AGBL4: variants seen among roughly 807,000 people sequenced by gnomAD.
The protein encoded by AGBL4 is cytosolic carboxypeptidase 6.
A neutral mutation model predicts 66.4 loss-of-function variants in AGBL4; 58 were observed. The ratio of observed to expected loss-of-function variants is 0.87; its 90% CI spans 0.71 to 1.09. AGBL4 has a LOEUF of 1.09. Ranked by LOEUF, AGBL4 falls within the 50% of genes least tolerant of loss-of-function variation. The pLI is 0.00. For synonymous variants in AGBL4, 234 were observed against 222.9 expected, an observed-to-expected ratio of 1.05 and a Z score of -0.44; for missense variants, 579 against 631.0, an observed-to-expected ratio of 0.92 and a Z score of 0.88.
chr1:49,736,126 G>C (rs113200370), intron 2 of AGBL4, among the ~76,000 whole-genome samples: 3 of 151,726 alleles, frequency 2.0e-5, no homozygotes. Context: ...AATATTTAAC[G>C]AAATACTGCC....
Position 49,410,872 on chromosome 1 carries a change from A to T in AGBL4, c.283-165008T>A, listed in dbSNP as rs535115255. ...TGATGGCATGATACTCACTGCACTT[A>T]TCAAATGCTTACTATATGCCAGATG... On this transcript the variant is annotated intron_variant, in intron 3 of 13. Transcript: ENST00000371839. Among the ~76,000 whole-genome samples, 10 of 152,344 alleles carry T rather than the reference A, an allele frequency of 6.6e-5. No individual in the cohort carries two copies. In the South Asian group the frequency reaches 2.1e-3, roughly 32 times the overall value.
chr1:49,962,727 T>C (rs1657218771), intron 1 of AGBL4, among the ~76,000 whole-genome samples: 1 of 152,114 alleles, frequency 6.6e-6, no homozygotes. Context: ...AAACAATGGA[T>C]TAAAACAGAT....
chr1:49,515,512 A>G (rs1290250271), intron 3 of AGBL4, among the ~76,000 whole-genome samples: 1 of 151,978 alleles, frequency 6.6e-6, no homozygotes, highest in Non-Finnish European at 1.5e-5. Context: ...TAGAAATACC[A>G]TTTGACCCAG....
chr1:48,838,670 A>T (rs1436068876), intron 6 of AGBL4, among the ~76,000 whole-genome samples: 3 of 152,200 alleles, frequency 2.0e-5, no homozygotes, highest in African/African-American at 7.2e-5. Context: ...AGACAATCAA[A>T]GCAAAAATCG....
chr1:48,635,330 C>G (rs1022312577), intron 8 of AGBL4, among the ~76,000 whole-genome samples: 2 of 152,216 alleles, frequency 1.3e-5, no homozygotes, highest in Non-Finnish European at 2.9e-5. Context: ...CCAAATGCCT[C>G]TTTCCTCAAT....
At chr1:49,533,430 A>C (rs1326139081) in intron 3 of AGBL4, among the ~76,000 whole-genome samples, 1 of 152,034 alleles carries the variant, frequency 6.6e-6, no homozygotes, top group Non-Finnish European at 1.5e-5. Context: ...AGGGGTCCTC[A>C]ATCTGCTTGC....
chr1:49,176,983 G>C (rs1646844041), intron 4 of AGBL4, among the ~76,000 whole-genome samples: 3 of 152,068 alleles, frequency 2.0e-5, no homozygotes, highest in Admixed American at 2.0e-4. Context: ...CTGGATCCTA[G>C]GCCAGAAAAG....
At chr1:48,652,276 T>C (rs551523679) in intron 8 of AGBL4, among the ~76,000 whole-genome samples, 36 of 152,252 alleles carry the variant, frequency 2.4e-4, no homozygotes, top group African/African-American at 8.4e-4. Context: ...GAGTGGCCAA[T>C]TCTGTTTAGG....
intron 6 of AGBL4, among the ~76,000 whole-genome samples, chr1:48,764,110 C>T (rs1157228037): frequency 6.6e-6 from 1 of 152,102 alleles, no homozygotes; most frequent in African/African-American, 2.4e-5. Flanking sequence ...GAAAAGAGAA[C>T]CCAAGATCTC....
chr1:49,236,940 C>A (rs1000566166), intron 4 of AGBL4, among the ~76,000 whole-genome samples: 1 of 151,904 alleles, frequency 6.6e-6, no homozygotes. Context: ...CACTGTTATC[C>A]TGATAGGGAA....
intron 3 of AGBL4, among the ~76,000 whole-genome samples, chr1:49,361,018 G>A (rs1037608317): frequency 4.6e-5 from 7 of 151,770 alleles, no homozygotes; most frequent in East Asian, 1.9e-4. Context: ...GGCTGCTCTC[G>A]AACTCCTGAT....
chr1:49,267,603 C>T (rs1468084639), intron 3 of AGBL4, among the ~76,000 whole-genome samples: 1 of 151,992 alleles, frequency 6.6e-6, no homozygotes, highest in Non-Finnish European at 1.5e-5. Flanking sequence ...TCACTGGAAC[C>T]CGGGAGGTGG....
At chr1:49,110,191 C>T (rs947210436) in intron 4 of AGBL4, among the ~76,000 whole-genome samples, 1 of 152,200 alleles carries the variant, frequency 6.6e-6, no homozygotes, top group Non-Finnish European at 1.5e-5. Context: ...TCCTCACAAA[C>T]ACTTTCAATT....
At chr1:49,831,077 T>C (rs1645660118) in intron 2 of AGBL4, among the ~76,000 whole-genome samples, 1 of 152,176 alleles carries the variant, frequency 6.6e-6, no homozygotes, top group South Asian at 2.1e-4. Context: ...CTTGGGATTG[T>C]CTTGGCTATG....
chr1:49,271,067 A>G (rs1644047512), intron 3 of AGBL4, among the ~76,000 whole-genome samples: 1 of 152,176 alleles, frequency 6.6e-6, no homozygotes. Context: ...CCACACTTTC[A>G]CTGCCATGGC....
intron 1 of AGBL4, among the ~76,000 whole-genome samples, chr1:50,020,908 A>G (rs1336057045): frequency 3.3e-5 from 5 of 152,232 alleles, no homozygotes; most frequent in East Asian, 1.9e-4. Flanking sequence ...GACTCCAGCC[A>G]GCAATAGCTG....
At chr1:49,333,951 G>C (rs1246024280) in intron 3 of AGBL4, among the ~76,000 whole-genome samples, 2 of 152,160 alleles carry the variant, frequency 1.3e-5, no homozygotes, top group Non-Finnish European at 2.9e-5. Context: ...CAAACTAAGA[G>C]CAGATGCAGG....
chr1:49,163,947 A>G (rs1257053671), intron 4 of AGBL4, among the ~76,000 whole-genome samples: 1 of 152,138 alleles, frequency 6.6e-6, no homozygotes, highest in Non-Finnish European at 1.5e-5. Flanking sequence ...GCATGTTTGG[A>G]GGCCAGTATG....
At chr1:48,957,094 T>C (rs1235835013) in intron 5 of AGBL4, among the ~76,000 whole-genome samples, 1 of 152,122 alleles carries the variant, frequency 6.6e-6, no homozygotes. Context: ...CAACCCTTCT[T>C]TTATATAACA....
Sources: allele counts gnomAD v4.1 joint callset (sites outside exome capture counted in the v4.1 genomes callset), GRCh38; gene constraint gnomAD v4.1.1; transcripts MANE v1.5; gene names NCBI Gene and HGNC (gene_info 2026-07-23, HGNC 2026-07-21).